Variants in ENO2 observed in about 807,000 individuals in gnomAD.
The protein encoded by ENO2 is enolase 2, also known as gamma-enolase.
In ENO2, 19 loss-of-function variants were observed where a neutral mutation model predicts 48.7. The ratio of observed to expected loss-of-function variants is 0.39; its 90% CI spans 0.27 to 0.57. The LOEUF is 0.57. Among genes scored for constraint, ENO2 ranks in the 20% least tolerant of loss-of-function variants. The probability of loss-of-function intolerance (pLI) is 0.58; values close to 1 mark genes in which losing one functional copy is unlikely to be tolerated. For synonymous variants in ENO2, 198 were observed against 213.4 expected, an observed-to-expected ratio of 0.93 and a Z score of 0.63; for missense variants, 416 against 555.0, an observed-to-expected ratio of 0.75 and a Z score of 2.52.
At position 6,922,864 on chromosome 12, in the gene ENO2, T is replaced by C. The variant is rs1945354113; in HGVS notation, c.*64T>C. ...TCCTCCTGGAACCTTGCTGTCCTGA[T>C]CTGTGATAGTTCACCCCCTGAGATC... On this transcript the variant is annotated 3_prime_UTR_variant, in exon 12 of 12. Coordinates refer to ENST00000229277, the MANE Select transcript of ENO2 (RefSeq NM_001975.3). The surrounding 1 kb of genome is among the most constrained non-coding windows in gnomAD (Gnocchi z 5.3). 1 of 1,581,830 alleles carries C rather than the reference T, an allele frequency of 6.3e-7. No homozygotes were observed. The highest frequency in any genetic ancestry group is 1.3e-5 in the African/African-American group (1 of 74,334).
chr12:6,920,394 TTTTTG>T (rs1945329774), intron 8 of ENO2, among the ~76,000 whole-genome samples: 1 of 149,608 alleles, frequency 6.7e-6, no homozygotes, highest in African/African-American at 2.4e-5. Context: ...GGGGTTGTTT[TTTTTG>T]TTTTGTTTTT....
chr12:6,923,225 CAT>C lies in ENO2; in HGVS notation c.*427_*428del, dbSNP rs1945358955. The C allele has an allele frequency of 5.3e-6, 1 of 189,874 alleles. No homozygotes were observed. The highest frequency in any genetic ancestry group is 2.3e-5 in the African/African-American group (1 of 43,408). The allele number at this position is 189,874 out of a possible 1,614,324, so 11.8% of individuals were successfully genotyped here. On this transcript the variant is annotated 3_prime_UTR_variant, in exon 12 of 12. Transcript: ENST00000229277. The stretch of plus-strand genomic sequence containing the variant: ...CTTTGCATATGAGCCGTGAACTGTG[CAT>C]AGTGCTGGGATGGAGGGGAGTGTTG...
chr12:6,918,971 G>A (rs1555141882), intron 7 of ENO2, among the ~76,000 whole-genome samples: 1 of 130,568 alleles, frequency 7.7e-6, no homozygotes, highest in South Asian at 2.4e-4. Flanking sequence ...AACAGAGCGA[G>A]ACTCCGTCTC....
chr12:6,914,968 TTTTTATCCTAG>T lies in ENO2; in HGVS notation c.-13+310_-13+320del, dbSNP rs2138181158. ...GTTGGGAGCCTCTCCGGGCGGTGCA[TTTTTATCCTAG>T]AGCGTCCCTTTTGGTTTGCATTTGG... On this transcript the variant is annotated intron_variant, in intron 1 of 11. Transcript: ENST00000229277. The surrounding 1 kb of genome is among the most constrained non-coding windows in gnomAD (Gnocchi z 7.1). Among the ~76,000 whole-genome samples, 1 of 152,310 alleles carries T rather than the reference TTTTTATCCTAG, an allele frequency of 6.6e-6. No homozygotes were observed. The highest frequency in any genetic ancestry group is 2.4e-5 in the African/African-American group (1 of 41,570).
intron 7 of ENO2, among the ~76,000 whole-genome samples, chr12:6,918,512 G>A (rs71445130): frequency 0.079 from 11,866 of 151,018 alleles, 661 homozygotes; most frequent in African/African-American, 0.15. Context: ...CACCACGCCC[G>A]GCTAATTTTT....
In ENO2 at chr12:6,916,466, G is replaced by A; in HGVS notation, c.135G>A (p.Glu45=). The A allele has an allele frequency of 6.2e-7, 1 of 1,614,042 alleles. No individual in the cohort carries two copies. Reference sequence around the variant, plus strand: ...GTGGAGCCTCTACGGGCATCTATGAGGCCCTGGAGCTGAGGGATGGAGACA... The same window carrying A: ...GTGGAGCCTCTACGGGCATCTATGAAGCCCTGGAGCTGAGGGATGGAGACA... The part of the protein sequence containing the change: ...VPSGASTGIY[E]ALELRDGDKQ... Residue 45 remains glutamate, a synonymous_variant, in exon 3 of 12, where the codon GAG becomes GAA. Coordinates refer to ENST00000229277, the MANE Select transcript of ENO2 (RefSeq NM_001975.3). This position sits in a 1 kb window ranked among gnomAD's most constrained non-coding sequence, Gnocchi z 4.5.
In ENO2 at chr12:6,921,532, C is replaced by G. The variant is rs782747263; in HGVS notation, c.866-49C>G. 1.9e-6 allele frequency: 3 copies of G among 1,586,870 alleles called. No homozygotes were observed. In the Admixed American group the frequency reaches 5.0e-5, roughly 26 times the overall value. ...GGCATGTTCCTGCCTGATGTAGAGA[C>G]CCAGGGAAGATGAACACCTCCCCCC... On this transcript the variant is annotated intron_variant, in intron 8 of 11. Coordinates refer to ENST00000229277, the MANE Select transcript of ENO2 (RefSeq NM_001975.3).
chr12:6,921,874 A>C, intron 9 of ENO2, 92 bp downstream of exon 9: 1 of 1,550,530 alleles, frequency 6.4e-7, no homozygotes, highest in East Asian at 2.3e-5. Flanking sequence ...AGGGGTGCCA[A>C]AGAGAGCGGG....
At chr12:6,917,446 G>A in intron 5 of ENO2, 135 bp from the exon 6 acceptor site, 2 of 1,210,062 alleles carry the variant, frequency 1.7e-6, no homozygotes, top group Non-Finnish European at 1.1e-6. Context: ...GCATGGATGA[G>A]GTGTTGCTGG....
chr12:6,917,434 G>C, intron 5 of ENO2, 147 bp from the exon 6 acceptor site: 2 of 1,120,846 alleles, frequency 1.8e-6, no homozygotes, highest in South Asian at 1.6e-5. Flanking sequence ...GTTTTCAAGA[G>C]AGCATGGATG....
Position 6,916,732 on chromosome 12 carries a change from G to A in ENO2, c.240+3G>A, listed in dbSNP as rs1555141643. On this transcript the variant is annotated splice_donor_region_variant and intron_variant, in intron 4 of 11. Coordinates refer to ENST00000229277, the MANE Select transcript of ENO2 (RefSeq NM_001975.3). This position sits in a 1 kb window ranked among gnomAD's most constrained non-coding sequence, Gnocchi z 4.5. ...TCGCGCCAGCCCTCATCAGCTCAGT[G>A]AGGCCTGCTCTTTGCTGGGGATAGC... is the stretch of plus-strand genomic sequence containing the variant. 1.2e-6 allele frequency: 2 copies of A among 1,614,144 alleles called. No homozygotes were observed. The highest frequency in any genetic ancestry group is 2.2e-5 in the South Asian group (2 of 91,080).
intron 1 of ENO2, 116 bp from the exon 2 acceptor site, chr12:6,915,703 CCA>C: frequency 5.8e-6 from 2 of 345,832 alleles, no homozygotes; most frequent in Admixed American, 2.9e-5. Context: ...TACCCACCCC[CCA>C]CCCACTGCAG....
Position 6,915,842 on chromosome 12 carries a change from GA to G in ENO2, c.11del (p.Glu4GlyfsTer46). ...GGAGATCCCAGCCATCATGTCCATAGAGAAGATCTGGGCCCGGGAGATCCTG... is the reference window on the plus strand; with the variant it reads ...GGAGATCCCAGCCATCATGTCCATAGGAAGATCTGGGCCCGGGAGATCCTG... MSIEKIWAREILDS... is the reference protein window; with the variant it reads MSIXKIWAREILDS... On this transcript the variant is annotated frameshift_variant, in exon 2 of 12. Transcript: ENST00000229277. LOFTEE classifies it high-confidence loss of function. The G allele has an allele frequency of 6.2e-7, 1 of 1,613,740 alleles. No homozygotes were observed. Among genetic ancestry groups the G allele is most frequent in the Non-Finnish European group, 8.5e-7 (1 of 1,179,876 alleles).
chr12:6,914,957 C>G lies in ENO2; in HGVS notation c.-13+298C>G, dbSNP rs766881046. ...TTTGTTTCTAAGTTGGGAGCCTCTC[C>G]GGGCGGTGCATTTTTATCCTAGAGC... On this transcript the variant is annotated intron_variant, in intron 1 of 11. Coordinates refer to ENST00000229277, the MANE Select transcript of ENO2 (RefSeq NM_001975.3). This position sits in a 1 kb window ranked among gnomAD's most constrained non-coding sequence, Gnocchi z 7.1. 6.6e-5 allele frequency among the ~76,000 whole-genome samples: 10 copies of G among 152,184 alleles called. No homozygotes were observed. The highest frequency in any genetic ancestry group is 1.3e-4 in the Non-Finnish European group (9 of 68,032).
Position 6,923,009 on chromosome 12 carries a change from G to A in ENO2, c.*209G>A, listed in dbSNP as rs1025174250. On this transcript the variant is annotated 3_prime_UTR_variant, in exon 12 of 12. Coordinates refer to ENST00000229277, the MANE Select transcript of ENO2 (RefSeq NM_001975.3). The stretch of plus-strand genomic sequence containing the variant: ...TCTGTGCCCTACTCATTGGGGTTCC[G>A]CACTTTCCACTTCTTCCTTTCTCTT... 6.3e-5 allele frequency: 35 copies of A among 552,644 alleles called. No individual in the cohort carries two copies. Among genetic ancestry groups the A allele is most frequent in the African/African-American group, 6.0e-4 (32 of 53,056 alleles). The allele number at this position is 552,644 out of a possible 1,614,324, so 34.2% of individuals were successfully genotyped here. A position where few individuals can be genotyped will look rare whatever the true frequency, so the allele number is the denominator to read the frequency against.
chr12:6,916,391 C>A lies in ENO2; in HGVS notation c.86-26C>A. 6.2e-7 allele frequency: 1 copy of A among 1,606,324 alleles called. No individual in the cohort carries two copies. Among genetic ancestry groups the A allele is most frequent in the Non-Finnish European group, 8.5e-7 (1 of 1,175,890 alleles). The stretch of plus-strand genomic sequence containing the variant: ...CCTGGCCCCTGTGTCCTCTTCACTC[C>A]CTCTCATTCCATGTTCCTCCTTTAG... On this transcript the variant is annotated intron_variant, in intron 2 of 11. Transcript: ENST00000229277. The surrounding 1 kb of genome is among the most constrained non-coding windows in gnomAD (Gnocchi z 4.5).
intron 8 of ENO2, 79 bp downstream of exon 8, chr12:6,919,842 T>TGACCCAGGCACCAGGTGGGGGTGTC: frequency 6.7e-7 from 1 of 1,484,740 alleles, no homozygotes; most frequent in South Asian, 1.2e-5. Flanking sequence ...TATGGGGTGC[T>TGACCCAGGCACCAGGTGGGGGTGTC]GACTCAGGCA....
At chr12:6,918,204 A>G (rs782567691) in intron 7 of ENO2, 42 bp downstream of exon 7, 1 of 1,597,530 alleles carries the variant, frequency 6.3e-7, no homozygotes, top group East Asian at 2.2e-5. Flanking sequence ...GTCTTACCCT[A>G]TTGTGGGACA....
intron 8 of ENO2, among the ~76,000 whole-genome samples, 197 bp downstream of exon 8, chr12:6,919,960 C>T (rs1945325369): frequency 6.6e-6 from 1 of 152,084 alleles, no homozygotes; most frequent in South Asian, 2.1e-4. Flanking sequence ...TACCCGTGAC[C>T]AATCTGTTCT....
Sources: allele counts gnomAD v4.1 joint callset (sites outside exome capture counted in the v4.1 genomes callset), GRCh38; gene constraint gnomAD v4.1.1; non-coding constraint Gnocchi (gnomAD v3.1); transcripts MANE v1.5; gene names NCBI Gene and HGNC (gene_info 2026-07-23, HGNC 2026-07-21).